ICA1: variants seen among roughly 807,000 people sequenced by gnomAD.
ICA1 encodes the protein 69 kDa islet cell autoantigen.
In ICA1, 40 loss-of-function variants were observed where a neutral mutation model predicts 71.0. That is an observed-to-expected ratio of 0.56 (90% CI 0.44 to 0.73). The LOEUF (loss-of-function observed/expected upper bound fraction) is 0.73, where lower values mean the gene tolerates loss of function less well. ICA1 is among the 30% of genes least tolerant of loss of function. The pLI, the probability that ICA1 is intolerant of heterozygous loss-of-function variation, is 0.00. For missense variants in ICA1, 578 were observed against 576.5 expected (o/e 1.00, Z -0.03); for synonymous variants, 207 against 209.5 (o/e 0.99, Z 0.10).
intron 6 of ICA1, among the ~76,000 whole-genome samples, chr7:8,215,027 C>T (rs1263640132): frequency 5.3e-5 from 8 of 152,100 alleles, no homozygotes; most frequent in African/African-American, 1.4e-4. Context: ...ATGTCTCATC[C>T]GGGTTTGTGT....
chr7:8,262,010 C>G (rs1261579001), intron 1 of ICA1, 84 bp downstream of exon 1: 2 of 152,186 alleles, frequency 1.3e-5, no homozygotes, highest in Non-Finnish European at 2.9e-5. Flanking sequence ...CAGGCGTCCC[C>G]GACCGTCCCG....
At chr7:8,199,892 T>C (rs1162251200) in intron 6 of ICA1, among the ~76,000 whole-genome samples, 1 of 151,908 alleles carries the variant, frequency 6.6e-6, no homozygotes, top group Non-Finnish European at 1.5e-5. Flanking sequence ...GAGAGTAGGA[T>C]GGTTACCAGA....
Position 8,223,617 on chromosome 7 carries a change from A to G in ICA1, c.257-2219T>C, listed in dbSNP as rs572084749. On this transcript the variant is annotated intron_variant, in intron 4 of 13. Coordinates refer to ENST00000402384, the MANE Select transcript of ICA1 (RefSeq NM_001136020.3). This position sits in a 1 kb window ranked among gnomAD's most constrained non-coding sequence, Gnocchi z 4.1. ...ACTTACAGAAGTTTAAAATTCAGGT[A>G]TAACATAGGTATCAGGTAACGCAAA... is the stretch of plus-strand genomic sequence containing the variant. The G allele has an allele frequency of 6.5e-6, 1 of 154,528 alleles. No individual in the cohort carries two copies. Among genetic ancestry groups the G allele is most frequent in the East Asian group, 1.9e-4 (1 of 5,186 alleles). The allele number at this position is 154,528 out of a possible 1,614,324, so 9.6% of individuals were successfully genotyped here.
At position 8,157,137 on chromosome 7, in the gene ICA1, T is replaced by C. The variant is rs764265326; in HGVS notation, c.783A>G (p.Pro261=). ...ATACCTTTAAAGTAGTAAATTCATA[T>C]GGTTGATAACCTTTGAAACTCTCAT... ...AIHESFKGYQ[P]YEFTTLKSLQ... Residue 261 remains proline, a synonymous_variant, in exon 8 of 14, where the codon CCA becomes CCG. Coordinates refer to ENST00000402384, the MANE Select transcript of ICA1 (RefSeq NM_001136020.3). 5 of 1,614,144 alleles carry C rather than the reference T, an allele frequency of 3.1e-6. No individual in the cohort carries two copies. Among genetic ancestry groups the C allele is most frequent in the East Asian group, 2.2e-5 (1 of 44,876 alleles).
chr7:8,212,406 A>C (rs1338462527), intron 6 of ICA1, among the ~76,000 whole-genome samples: 1 of 152,116 alleles, frequency 6.6e-6, no homozygotes, highest in African/African-American at 2.4e-5. Flanking sequence ...CTCTACTAAA[A>C]ATACAAAAAT....
intron 1 of ICA1, among the ~76,000 whole-genome samples, chr7:8,261,796 G>A (rs1453811575): frequency 1.3e-5 from 2 of 152,142 alleles, no homozygotes; most frequent in Non-Finnish European, 2.9e-5. Flanking sequence ...CCCAGCGCTG[G>A]GGCCGGAGCG....
chr7:8,244,117 A>T (rs1805008821), intron 1 of ICA1, among the ~76,000 whole-genome samples: 1 of 152,252 alleles, frequency 6.6e-6, no homozygotes, highest in African/African-American at 2.4e-5. Flanking sequence ...CCTGGGCAAG[A>T]AGAACAAACC....
chr7:8,241,796 A>G (rs1388466766), intron 1 of ICA1, among the ~76,000 whole-genome samples: 3 of 152,220 alleles, frequency 2.0e-5, no homozygotes, highest in African/African-American at 4.8e-5. Flanking sequence ...CTTTAAACCA[A>G]CAAAGATCAA....
chr7:8,256,382 C>T (rs2128550145), intron 1 of ICA1, among the ~76,000 whole-genome samples: 1 of 152,246 alleles, frequency 6.6e-6, no homozygotes, highest in South Asian at 2.1e-4. Flanking sequence ...TCTTACTCTC[C>T]TCCCCACCCT....
intron 6 of ICA1, among the ~76,000 whole-genome samples, chr7:8,179,868 C>T (rs1431306676): frequency 6.6e-6 from 1 of 151,992 alleles, no homozygotes; most frequent in Non-Finnish European, 1.5e-5. Context: ...AACAGAGATA[C>T]TCCTGATTAT....
rs749647962 is a variant in ICA1 at position 8,223,381 on chromosome 7, A to C, written c.257-1983T>G. 3 of 154,314 alleles carry C rather than the reference A, an allele frequency of 1.9e-5. No individual in the cohort carries two copies. The highest frequency in any genetic ancestry group is 4.4e-5 in the Non-Finnish European group (3 of 68,058). The allele number at this position is 154,314 out of a possible 1,614,324, so 9.6% of individuals were successfully genotyped here. ...TTCCTAAATAAACCTAAGTAGGCTGAAACATTTAAAAATAATTTTCGGTCA... is the reference window on the plus strand; with the variant it reads ...TTCCTAAATAAACCTAAGTAGGCTGCAACATTTAAAAATAATTTTCGGTCA... On this transcript the variant is annotated intron_variant, in intron 4 of 13. Coordinates refer to ENST00000402384, the MANE Select transcript of ICA1 (RefSeq NM_001136020.3). This position sits in a 1 kb window ranked among gnomAD's most constrained non-coding sequence, Gnocchi z 4.1.
intron 6 of ICA1, among the ~76,000 whole-genome samples, chr7:8,212,207 A>G (rs1794017383): frequency 6.6e-6 from 1 of 152,200 alleles, no homozygotes; most frequent in Non-Finnish European, 1.5e-5. Flanking sequence ...ACATTGAAAA[A>G]AGTACATGTC....
intron 8 of ICA1, among the ~76,000 whole-genome samples, chr7:8,146,378 A>G (rs111299915): frequency 6.6e-5 from 10 of 152,296 alleles, no homozygotes; most frequent in African/African-American, 2.4e-4. Context: ...TGAGGAACAA[A>G]AAGAATGCCA....
At chr7:8,119,576 T>G (rs986506083) in intron 13 of ICA1, among the ~76,000 whole-genome samples, 1 of 152,232 alleles carries the variant, frequency 6.6e-6, no homozygotes, top group Non-Finnish European at 1.5e-5. Flanking sequence ...CCGGGTGTGG[T>G]GGCTCACGTC....
chr7:8,195,781 C>G (rs541447449), intron 6 of ICA1, among the ~76,000 whole-genome samples: 1 of 152,092 alleles, frequency 6.6e-6, no homozygotes, highest in Admixed American at 6.5e-5. Context: ...AGTTCGAGAC[C>G]AGCCTAGCCA....
intron 6 of ICA1, among the ~76,000 whole-genome samples, chr7:8,170,170 T>C (rs1807772721): frequency 6.6e-6 from 1 of 152,068 alleles, no homozygotes; most frequent in South Asian, 2.1e-4. Context: ...TTTGTGTAGG[T>C]CTATTTCTGG....
At chr7:8,213,714 G>A (rs1794559067) in intron 6 of ICA1, among the ~76,000 whole-genome samples, 1 of 152,146 alleles carries the variant, frequency 6.6e-6, no homozygotes, top group Non-Finnish European at 1.5e-5. Context: ...CAATACTGCT[G>A]TTTACCAGTC....
At chr7:8,261,904 A>AG (rs928054979) in intron 1 of ICA1, 190 bp downstream of exon 1, 8 of 152,276 alleles carry the variant, frequency 5.3e-5, no homozygotes, top group African/African-American at 1.7e-4. Context: ...GGGGAGGGGA[A>AG]GGGGCTGATG....
intron 6 of ICA1, among the ~76,000 whole-genome samples, chr7:8,212,081 A>G: frequency 6.6e-6 from 1 of 152,226 alleles, no homozygotes; most frequent in African/African-American, 2.4e-5. Context: ...AAATTCACCC[A>G]ATAATTATGC....
Sources: gnomAD v4.1 joint callset for allele counts (sites outside exome capture counted in the v4.1 genomes callset) on GRCh38, gnomAD v4.1.1 for gene constraint, Gnocchi (gnomAD v3.1) non-coding constraint, MANE v1.5 for transcripts, NCBI Gene and HGNC (gene_info 2026-07-23, HGNC 2026-07-21) for gene names.